Variants in NBEA observed in about 807,000 individuals in gnomAD.
The protein encoded by NBEA is lysosomal-trafficking regulator 2.
Under a neutral mutation model 343.4 loss-of-function variants are expected in NBEA, and 44 were observed. That is an observed-to-expected ratio of 0.13 (90% CI 0.10 to 0.16). NBEA has a LOEUF of 0.16. Ranked by LOEUF, NBEA falls within the 10% of genes least tolerant of loss-of-function variation. The probability of loss-of-function intolerance (pLI) is 1.00; values close to 1 mark genes in which losing one functional copy is unlikely to be tolerated. For missense variants in NBEA, 2,555 were observed against 3,631.3 expected (o/e 0.70, Z 7.62); for synonymous variants, 1,175 against 1,238.7 (o/e 0.95, Z 1.08).
intron 38 of NBEA, among the ~76,000 whole-genome samples, chr13:35,354,904 C>A (rs1409750836): frequency 2.0e-5 from 3 of 152,154 alleles, no homozygotes; most frequent in African/African-American, 4.8e-5. Context: ...AATTGATTAG[C>A]TGATAGTCAC....
chr13:35,487,673 A>G (rs1031410487), intron 41 of NBEA, among the ~76,000 whole-genome samples: 1 of 151,958 alleles, frequency 6.6e-6, no homozygotes, highest in African/African-American at 2.4e-5. Flanking sequence ...CGCTCTTCCT[A>G]ATATTGAACC....
intron 18 of NBEA, among the ~76,000 whole-genome samples, chr13:35,151,691 T>C (rs2068800629): frequency 6.6e-6 from 1 of 152,174 alleles, no homozygotes; most frequent in Non-Finnish European, 1.5e-5. Context: ...TCTATAGTTT[T>C]CTGAGGTGAA....
At chr13:35,465,534 C>T (rs1022986004) in intron 40 of NBEA, among the ~76,000 whole-genome samples, 1 of 152,136 alleles carries the variant, frequency 6.6e-6, no homozygotes, top group African/African-American at 2.4e-5. Context: ...TCTTCCCGAT[C>T]ATTAAATGAT....
intron 36 of NBEA, among the ~76,000 whole-genome samples, chr13:35,318,299 T>G (rs2152838463): frequency 6.6e-6 from 1 of 152,234 alleles, no homozygotes; most frequent in South Asian, 2.1e-4. Flanking sequence ...TGTTGAGAGT[T>G]TTTTGCTTGA....
At chr13:35,185,106 G>C (rs998511150) in intron 30 of NBEA, among the ~76,000 whole-genome samples, 3 of 152,096 alleles carry the variant, frequency 2.0e-5, no homozygotes, top group Non-Finnish European at 4.4e-5. Flanking sequence ...TTGACATGAA[G>C]GAGGATCTTT....
intron 41 of NBEA, among the ~76,000 whole-genome samples, chr13:35,495,575 A>G (rs1394358681): frequency 6.6e-6 from 1 of 151,924 alleles, no homozygotes; most frequent in East Asian, 1.9e-4. Context: ...TTTTTGCACC[A>G]CTGTAAAGTC....
intron 58 of NBEA, among the ~76,000 whole-genome samples, chr13:35,669,558 T>C (rs1362290254): frequency 6.6e-6 from 1 of 152,232 alleles, no homozygotes; most frequent in Non-Finnish European, 1.5e-5. Context: ...AAGGTTATTA[T>C]TGGAGTATCC....
chr13:35,479,000 T>C (rs1489636271), intron 41 of NBEA, among the ~76,000 whole-genome samples: 2 of 152,244 alleles, frequency 1.3e-5, no homozygotes, highest in Non-Finnish European at 2.9e-5. Context: ...CTGTGCAGCT[T>C]AATTGGGTTA....
chr13:35,419,190 A>G (rs991064942), intron 38 of NBEA, among the ~76,000 whole-genome samples: 4 of 152,060 alleles, frequency 2.6e-5, no homozygotes, highest in Admixed American at 6.6e-5. Flanking sequence ...TGTTCCATAA[A>G]CTAGGTAGCT....
chr13:35,597,068 A>G (rs548083996), intron 47 of NBEA, among the ~76,000 whole-genome samples: 2 of 152,296 alleles, frequency 1.3e-5, no homozygotes, highest in African/African-American at 4.8e-5. Context: ...TGCAATAGGT[A>G]TACAATTATG....
chr13:35,664,791 G>T (rs2085270800), intron 55 of NBEA, among the ~76,000 whole-genome samples: 1 of 152,190 alleles, frequency 6.6e-6, no homozygotes, highest in African/African-American at 2.4e-5. Context: ...CATTGTACCT[G>T]TTTCATAACA....
intron 30 of NBEA, among the ~76,000 whole-genome samples, chr13:35,189,465 G>T: frequency 6.6e-6 from 1 of 151,780 alleles, no homozygotes; most frequent in African/African-American, 2.4e-5. Flanking sequence ...TATATATGTT[G>T]GCATTTTATT....
chr13:35,195,040 G>A (rs2072479629), intron 30 of NBEA, among the ~76,000 whole-genome samples: 1 of 152,072 alleles, frequency 6.6e-6, no homozygotes, highest in Admixed American at 6.6e-5. Flanking sequence ...CATTTTGCAA[G>A]TGTGTCAGAA....
At chr13:35,509,746 C>G (rs2077205158) in intron 41 of NBEA, among the ~76,000 whole-genome samples, 1 of 152,058 alleles carries the variant, frequency 6.6e-6, no homozygotes, top group Admixed American at 6.6e-5. Context: ...TAGTGGAAGT[C>G]AAGAAAAGCG....
At chr13:35,445,792 ATATATATATATATATATATATATATG>A (rs1176594186) in intron 39 of NBEA, among the ~76,000 whole-genome samples, 16 of 78,224 alleles carry the variant, frequency 2.0e-4, no homozygotes, top group Non-Finnish European at 3.7e-4. Flanking sequence ...TTATATATAT[ATATATATATATATATATATATATATG>A]TATATATATA....
At chr13:35,615,323 T>G (rs1171691516) in intron 48 of NBEA, among the ~76,000 whole-genome samples, 1 of 151,106 alleles carries the variant, frequency 6.6e-6, no homozygotes, top group African/African-American at 2.4e-5. Flanking sequence ...TGAGGAGTTA[T>G]TGACCTGAAA....
chr13:35,403,909 GA>G (rs1444300356), intron 38 of NBEA, among the ~76,000 whole-genome samples: 1 of 151,748 alleles, frequency 6.6e-6, no homozygotes, highest in East Asian at 1.9e-4. Flanking sequence ...AAATTTACAA[GA>G]AAAAAACAAC....
intron 36 of NBEA, among the ~76,000 whole-genome samples, chr13:35,342,000 G>A (rs1451187788): frequency 1.3e-5 from 2 of 152,014 alleles, no homozygotes; most frequent in African/African-American, 4.8e-5. Flanking sequence ...AACAAACTAT[G>A]ATATATGCAT....
At chr13:35,192,408 T>C (rs900134576) in intron 30 of NBEA, among the ~76,000 whole-genome samples, 5 of 152,144 alleles carry the variant, frequency 3.3e-5, no homozygotes, top group African/African-American at 1.2e-4. Flanking sequence ...CCTATTGGCA[T>C]TTAGTTTTAT....
Sources: allele counts gnomAD v4.1 joint callset (sites outside exome capture counted in the v4.1 genomes callset), GRCh38; gene constraint gnomAD v4.1.1; transcripts MANE v1.5; gene names NCBI Gene and HGNC (gene_info 2026-07-23, HGNC 2026-07-21).